STRIP1: variants seen among roughly 807,000 people sequenced by gnomAD.
The protein encoded by STRIP1 is striatin-interacting protein 1.
STRIP1 carries 63 observed loss-of-function variants against 106.2 expected under a neutral mutation model. That is an observed-to-expected ratio of 0.59 (90% CI 0.48 to 0.73). The LOEUF (loss-of-function observed/expected upper bound fraction) is 0.73. STRIP1 is among the 30% of genes least tolerant of loss of function. The pLI, the probability that STRIP1 is intolerant of heterozygous loss-of-function variation, is 0.00. For synonymous variants in STRIP1, 390 were observed against 413.0 expected, an observed-to-expected ratio of 0.94 and a Z score of 0.67; for missense variants, 857 against 1,074.8, an observed-to-expected ratio of 0.80 and a Z score of 2.83.
At chr1:110,046,622 A>G in intron 12 of STRIP1, 58 bp from the exon 13 acceptor site, 2 of 1,488,044 alleles carry the variant, frequency 1.3e-6, no homozygotes, top group Non-Finnish European at 1.9e-6. Flanking sequence ...GCTAGAGTGC[A>G]GGGAGTTTGG....
At chr1:110,041,438 A>G in intron 6 of STRIP1, 98 bp from the exon 7 acceptor site, 1 of 756,978 alleles carries the variant, frequency 1.3e-6, no homozygotes, top group Non-Finnish European at 2.3e-6. Context: ...CCATTTATTA[A>G]TAGTAAGCCC....
In STRIP1 at chr1:110,051,995, C is replaced by G. The variant is rs78255526; in HGVS notation, c.2266+108C>G. The stretch of plus-strand genomic sequence containing the variant: ...GTACTTCTCTGCCCTGAGCTTCCCC[C>G]CAAGGAACAGGAAGGAGCCCAGCTC... On this transcript the variant is annotated intron_variant, in intron 20 of 20. Coordinates refer to ENST00000369795, the MANE Select transcript of STRIP1 (RefSeq NM_033088.4). 8.9e-3 allele frequency: 10,876 copies of G among 1,218,266 alleles called. 210 individuals carry two copies. The highest frequency in any genetic ancestry group is 0.052 in the African/African-American group (3,513 of 67,078). The allele number at this position is 1,218,266 out of a possible 1,614,324, so 75.5% of individuals were successfully genotyped here.
chr1:110,042,833 G>A (rs940449916), intron 8 of STRIP1: 4 of 439,400 alleles, frequency 9.1e-6, no homozygotes, highest in Admixed American at 7.8e-5. Context: ...TATGTCATAG[G>A]TGCAGAGTTA....
At chr1:110,033,357 C>T (rs1652281836), upstream of STRIP1, among the ~76,000 whole-genome samples, 1 of 152,098 alleles carries the variant, frequency 6.6e-6, no homozygotes, top group Non-Finnish European at 1.5e-5. Flanking sequence ...ACCGTTTGGG[C>T]TTCCTTTCTG....
At chr1:110,049,395 A>G in intron 16 of STRIP1, 65 bp from the exon 17 acceptor site, 6 of 1,490,096 alleles carry the variant, frequency 4.0e-6, no homozygotes, top group Non-Finnish European at 5.5e-6. Flanking sequence ...TCATCCCTGG[A>G]GGAAAGAGGG....
Position 110,053,817 on chromosome 1 carries a change from G to T in STRIP1, c.2419G>T (p.Val807Leu). 2 of 1,614,162 alleles carry T rather than the reference G, an allele frequency of 1.2e-6. No individual in the cohort carries two copies. Among genetic ancestry groups the T allele is most frequent in the Non-Finnish European group, 1.7e-6 (2 of 1,180,020 alleles). Residue 807 changes from valine (V) to leucine (L), a missense_variant, in exon 21 of 21, where the codon GTG becomes TTG. Coordinates refer to ENST00000369795, the MANE Select transcript of STRIP1 (RefSeq NM_033088.4). ...NCLQSVLGQR[V>L]DLPEDFQMNY... Reference sequence around the variant, plus strand: ...CCTGCAGAGTGTCCTGGGCCAACGGGTGGACCTCCCTGAGGACTTTCAGAT... The same window carrying T: ...CCTGCAGAGTGTCCTGGGCCAACGGTTGGACCTCCCTGAGGACTTTCAGAT...
intron 19 of STRIP1, 88 bp downstream of exon 19, chr1:110,051,148 T>C: frequency 2.3e-6 from 2 of 863,066 alleles, no homozygotes; most frequent in Non-Finnish European, 4.0e-6. Flanking sequence ...TGGGGCTCAC[T>C]GTGCCTTCTC....
At chr1:110,046,945 G>C (rs528205175) in intron 13 of STRIP1, among the ~76,000 whole-genome samples, 194 bp downstream of exon 13, 1 of 152,258 alleles carries the variant, frequency 6.6e-6, no homozygotes, top group South Asian at 2.1e-4. Flanking sequence ...AGCTATTCAG[G>C]AGGCTGAGGC....
Position 110,053,994 on chromosome 1 carries a change from G to A in STRIP1, c.*82G>A. Reference sequence around the variant, plus strand: ...GACTGTCCTAGTTCATTGCTGCAGTGCTCCCATCCCCCACCAGGTGGCAGC... The same window carrying A: ...GACTGTCCTAGTTCATTGCTGCAGTACTCCCATCCCCCACCAGGTGGCAGC... On this transcript the variant is annotated 3_prime_UTR_variant, in exon 21 of 21. Coordinates refer to ENST00000369795, the MANE Select transcript of STRIP1 (RefSeq NM_033088.4). 6.5e-7 allele frequency: 1 copy of A among 1,532,556 alleles called. No individual in the cohort carries two copies. Among genetic ancestry groups the A allele is most frequent in the Non-Finnish European group, 8.9e-7 (1 of 1,126,662 alleles). 94.9% of individuals were successfully genotyped at this position (1,532,556 alleles called of 1,614,324 possible).
At chr1:110,033,172 G>A (rs919207978), upstream of STRIP1, among the ~76,000 whole-genome samples, 1 of 152,120 alleles carries the variant, frequency 6.6e-6, no homozygotes, top group African/African-American at 2.4e-5. Flanking sequence ...CCTCAGGCCT[G>A]CCTTCCTTGG....
At chr1:110,051,096 T>C (rs1233722305) in intron 19 of STRIP1, 36 bp downstream of exon 19, 3 of 1,405,412 alleles carry the variant, frequency 2.1e-6, no homozygotes, top group Non-Finnish European at 3.0e-6. Context: ...GCTTGGAACT[T>C]GGAGCTCAAA....
intron 19 of STRIP1, among the ~76,000 whole-genome samples, 171 bp downstream of exon 19, chr1:110,051,231 A>G (rs1353116782): frequency 6.6e-6 from 1 of 152,248 alleles, no homozygotes; most frequent in Non-Finnish European, 1.5e-5. Context: ...TTGAACTGGA[A>G]GCTGGAAGAG....
rs531142814 is a variant in STRIP1 at position 110,054,276 on chromosome 1, C to T, written c.*364C>T. 6 of 226,250 alleles carry T rather than the reference C, an allele frequency of 2.7e-5. No individual in the cohort carries two copies. The highest frequency in any genetic ancestry group is 4.4e-5 in the Non-Finnish European group (5 of 112,492). The allele number at this position is 226,250 out of a possible 1,614,324, so 14.0% of individuals were successfully genotyped here. A position where few individuals can be genotyped will look rare whatever the true frequency, so the allele number is the denominator to read the frequency against. On this transcript the variant is annotated 3_prime_UTR_variant, in exon 21 of 21. Coordinates refer to ENST00000369795, the MANE Select transcript of STRIP1 (RefSeq NM_033088.4). ...TTTCAGGGGTCATGCTGATGCCTCT[C>T]GAGACATACAAATCCTTGCTTTGTC...
intron 3 of STRIP1, 61 bp downstream of exon 3, chr1:110,038,818 C>G: frequency 6.7e-7 from 1 of 1,487,344 alleles, no homozygotes; most frequent in African/African-American, 1.4e-5. Context: ...CTGCAGGTTT[C>G]TTTTAGGCAT....
chr1:110,049,834 ACTT>A (rs1653207752), intron 17 of STRIP1: 1 of 338,950 alleles, frequency 3.0e-6, no homozygotes, highest in African/African-American at 2.3e-5. Flanking sequence ...TCCCTTCTGT[ACTT>A]TTTTTTTTTT....
Position 110,038,738 on chromosome 1 carries a change from GGA to G in STRIP1, c.308_309del (p.Glu103GlyfsTer13). The G allele has an allele frequency of 1.2e-6, 2 of 1,614,162 alleles. No individual in the cohort carries two copies. The highest frequency in any genetic ancestry group is 8.5e-7 in the Non-Finnish European group (1 of 1,180,000). On this transcript the variant is annotated frameshift_variant, in exon 3 of 21. Coordinates refer to ENST00000369795, the MANE Select transcript of STRIP1 (RefSeq NM_033088.4). LOFTEE classifies it high-confidence loss of function. ...TCCTGATGAATCGAAAATGCTTTGA[GGA>G]GGACTTCCGGATCCATGGTGAGATG... ...EFLMNRKCFE[E>X]DFRIHVTDKK...
intron 16 of STRIP1, 74 bp downstream of exon 16, chr1:110,049,312 C>T (rs747559063): frequency 4.9e-5 from 79 of 1,605,934 alleles, no homozygotes; most frequent in Non-Finnish European, 5.9e-5. Flanking sequence ...CCCACAAGAA[C>T]GGGGGCCTTG....
chr1:110,051,472 G>A (rs1653299349), intron 19 of STRIP1, among the ~76,000 whole-genome samples: 2 of 152,170 alleles, frequency 1.3e-5, no homozygotes, highest in Admixed American at 1.3e-4. Flanking sequence ...GTGACACATA[G>A]TTAGGGTGAC....
At chr1:110,032,033 C>T (rs1261372057), upstream of STRIP1, among the ~76,000 whole-genome samples, 4 of 151,854 alleles carry the variant, frequency 2.6e-5, no homozygotes, top group African/African-American at 4.8e-5. Flanking sequence ...GGTGCCTGGC[C>T]CCTCAAAGTT....
Sources: allele counts gnomAD v4.1 joint callset (sites outside exome capture counted in the v4.1 genomes callset), GRCh38; gene constraint gnomAD v4.1.1; transcripts MANE v1.5; gene names NCBI Gene and HGNC (gene_info 2026-07-23, HGNC 2026-07-21).